Variants in KIDINS220 observed in about 807,000 individuals in gnomAD.
KIDINS220 encodes kinase D interacting substrate 220, also known as kinase D-interacting substrate of 220 kDa.
A neutral mutation model predicts 157.6 loss-of-function variants in KIDINS220; 63 were observed. That is an observed-to-expected ratio of 0.40 (90% CI 0.33 to 0.49). The LOEUF is 0.49. Ranked by LOEUF, KIDINS220 falls within the 20% of genes least tolerant of loss-of-function variation. The pLI is 0.66. For missense variants in KIDINS220, 1,772 were observed against 2,171.2 expected (o/e 0.82, Z 3.65); for synonymous variants, 732 against 783.6 (o/e 0.93, Z 1.10).
chr2:8,734,186 C>T (rs372395665), intron 28 of KIDINS220, among the ~76,000 whole-genome samples: 1 of 147,998 alleles, frequency 6.8e-6, no homozygotes. Flanking sequence ...CTTGGTACGC[C>T]GATGGCCAGG....
intron 26 of KIDINS220, among the ~76,000 whole-genome samples, chr2:8,741,524 A>T (rs1477183910): frequency 1.3e-5 from 2 of 152,166 alleles, no homozygotes; most frequent in African/African-American, 4.8e-5. Flanking sequence ...AGGTTGCAGT[A>T]AGCCAAGATT....
chr2:8,770,882 T>C (rs754798407), intron 21 of KIDINS220, 50 bp from the exon 22 acceptor site: 4 of 1,088,242 alleles, frequency 3.7e-6, no homozygotes, highest in Non-Finnish European at 1.3e-6. Flanking sequence ...TGTGATAGTA[T>C]GTTAAGTAAA....
At position 8,813,259 on chromosome 2, in the gene KIDINS220, G is replaced by C; in HGVS notation, c.383C>G (p.Ala128Gly). ...DVVELLLSHG[A>G]NPSVTGLYSV... ...TACCAGACCAGTGACACTTGGATTG[G>C]CACCATGAGAAAGAAGCAACTCTAC... Residue 128 changes from alanine to glycine, a missense_variant, in exon 5 of 30, where the codon GCC becomes GGC. Physicochemically the swap from Ala to Gly is moderately conservative, Grantham distance 60. Coordinates refer to ENST00000256707, the MANE Select transcript of KIDINS220 (RefSeq NM_020738.4). 2.5e-6 allele frequency: 4 copies of C among 1,612,718 alleles called. No homozygotes were observed. Among genetic ancestry groups the C allele is most frequent in the Non-Finnish European group, 3.4e-6 (4 of 1,179,470 alleles).
At chr2:8,771,346 CTGA>C (rs1670203888) in intron 21 of KIDINS220, among the ~76,000 whole-genome samples, 1 of 152,206 alleles carries the variant, frequency 6.6e-6, no homozygotes, top group Non-Finnish European at 1.5e-5. Flanking sequence ...AACCTACCAA[CTGA>C]GTTGTAATGT....
chr2:8,727,200 C>G, downstream of KIDINS220: 1 of 1,133,802 alleles, frequency 8.8e-7, no homozygotes, highest in Non-Finnish European at 1.1e-6. Context: ...TGAGTCTGCT[C>G]ATGCTGCCCC....
Position 8,728,891 on chromosome 2 carries a change from G to A in KIDINS220, c.*1829C>T, listed in dbSNP as rs1663643712. 1 of 984,316 alleles carries A rather than the reference G, an allele frequency of 1.0e-6. No homozygotes were observed. The highest frequency in any genetic ancestry group is 1.2e-6 in the Non-Finnish European group (1 of 828,558). 61.0% of individuals were successfully genotyped at this position (984,316 alleles called of 1,614,324 possible). On this transcript the variant is annotated 3_prime_UTR_variant, in exon 30 of 30. Transcript: ENST00000256707. ...AACTACTTTTATTTTTAATCAAAAT[G>A]TGAATCATCATAGTGAATAAAAATT...
chr2:8,786,290 C>T lies in KIDINS220; in HGVS notation c.1855G>A (p.Ala619Thr), dbSNP rs1201760660. The T allele has an allele frequency of 6.2e-7, 1 of 1,613,962 alleles. No homozygotes were observed. The highest frequency in any genetic ancestry group is 1.3e-5 in the African/African-American group (1 of 74,912). Residue 619 changes from alanine (A) to threonine (T), a missense_variant, in exon 16 of 30, where the codon GCA becomes ACA. Physicochemically the swap from Ala to Thr is moderately conservative, Grantham distance 58. This residue lies in a region of KIDINS220 where 725 missense variants were observed against 1,017.1 expected (regional missense o/e 0.71). Transcript: ENST00000256707. ...GGETSLAEMI[A>T]TLSDACEREF... ...CTTTCACAAGCATCCGAGAGGGTTG[C>T]AATCATTTCAGCCAGAGAAGTTTCT...
At chr2:8,793,716 G>A in intron 12 of KIDINS220, 94 bp downstream of exon 12, 1 of 1,185,222 alleles carries the variant, frequency 8.4e-7, no homozygotes, top group African/African-American at 1.5e-5. Context: ...TGGGATTACA[G>A]GCATGAGCCA....
At chr2:8,794,447 G>A (rs1389630612) in intron 11 of KIDINS220, 1 of 154,266 alleles carries the variant, frequency 6.5e-6, no homozygotes, top group Non-Finnish European at 1.4e-5. Flanking sequence ...TCTAACACAA[G>A]TGATCTTGTC....
At chr2:8,814,607 A>G (rs1676792351) in intron 4 of KIDINS220, among the ~76,000 whole-genome samples, 1 of 152,232 alleles carries the variant, frequency 6.6e-6, no homozygotes, top group African/African-American at 2.4e-5. Context: ...TTACACCACC[A>G]CAGTTATGGT....
In KIDINS220 at chr2:8,730,486, T is replaced by C; in HGVS notation, c.*234A>G. The C allele has an allele frequency of 1.4e-6, 2 of 1,386,298 alleles. No individual in the cohort carries two copies. The highest frequency in any genetic ancestry group is 1.9e-6 in the Non-Finnish European group (2 of 1,076,610). 85.9% of individuals were successfully genotyped at this position (1,386,298 alleles called of 1,614,324 possible). ...GGTAATGCGCCAATGAAAGGTACAGTAGTATTAGTGAGTTCTGAAGCTTCT... is the reference window on the plus strand; with the variant it reads ...GGTAATGCGCCAATGAAAGGTACAGCAGTATTAGTGAGTTCTGAAGCTTCT... On this transcript the variant is annotated 3_prime_UTR_variant, in exon 30 of 30. Coordinates refer to ENST00000256707, the MANE Select transcript of KIDINS220 (RefSeq NM_020738.4).
chr2:8,790,868 T>C (rs1300122012), intron 13 of KIDINS220, among the ~76,000 whole-genome samples, 192 bp downstream of exon 13: 5 of 152,180 alleles, frequency 3.3e-5, no homozygotes, highest in African/African-American at 1.2e-4. Context: ...TGTGGGGTTA[T>C]CACACAATTG....
intron 22 of KIDINS220, among the ~76,000 whole-genome samples, chr2:8,760,848 T>G (rs1329792160): frequency 3.3e-5 from 5 of 152,138 alleles, no homozygotes; most frequent in African/African-American, 1.2e-4. Flanking sequence ...GGAGTACAAG[T>G]CTAAAAAATA....
intron 17 of KIDINS220, among the ~76,000 whole-genome samples, chr2:8,784,185 G>T (rs993293231): frequency 7.3e-5 from 10 of 136,250 alleles, no homozygotes; most frequent in African/African-American, 2.9e-4. Flanking sequence ...GGAACAACTG[G>T]AAACAAAAAA....
Position 8,813,246 on chromosome 2 carries a change from G to A in KIDINS220, c.396C>T (p.Val132=). ...TTTTGTTAATGCTTACCAGACCAGT[G>A]ACACTTGGATTGGCACCATGAGAAA... ...LLLSHGANPS[V]TGLYSVYPII... Residue 132 remains valine, a synonymous_variant, in exon 5 of 30, where the codon GTC becomes GTT. Transcript: ENST00000256707. 1.9e-6 allele frequency: 3 copies of A among 1,610,878 alleles called. No homozygotes were observed. The highest frequency in any genetic ancestry group is 2.5e-6 in the Non-Finnish European group (3 of 1,178,702).
intron 22 of KIDINS220, among the ~76,000 whole-genome samples, chr2:8,766,279 C>A (rs1015317959): frequency 6.6e-6 from 1 of 152,140 alleles, no homozygotes; most frequent in Non-Finnish European, 1.5e-5. Flanking sequence ...CTCTCTGGCC[C>A]GGAACTGTTC....
At chr2:8,745,793 C>T (rs1163868432) in intron 26 of KIDINS220, among the ~76,000 whole-genome samples, 2 of 151,964 alleles carry the variant, frequency 1.3e-5, no homozygotes, top group South Asian at 2.1e-4. Context: ...AGCGAAACTC[C>T]GTCAAAAGAA....
intron 26 of KIDINS220, among the ~76,000 whole-genome samples, chr2:8,739,154 C>G (rs980349427): frequency 2.0e-5 from 3 of 152,184 alleles, no homozygotes; most frequent in Non-Finnish European, 4.4e-5. Context: ...AAGCAAAAAG[C>G]TCTACCCAAT....
At chr2:8,743,432 T>C (rs1665904267) in intron 26 of KIDINS220, among the ~76,000 whole-genome samples, 1 of 152,136 alleles carries the variant, frequency 6.6e-6, no homozygotes, top group Admixed American at 6.5e-5. Flanking sequence ...AATAATGAAG[T>C]ACTTAAAGTA....
Sources: allele counts gnomAD v4.1 joint callset (sites outside exome capture counted in the v4.1 genomes callset), GRCh38; gene constraint gnomAD v4.1.1; regional missense constraint gnomAD v4.1.1; transcripts MANE v1.5; gene names NCBI Gene and HGNC (gene_info 2026-07-23, HGNC 2026-07-21).